The following VCF1 variants were observed in gnomAD, a reference collection of about 807,000 sequenced individuals.
VCF1 encodes VCP nuclear cofactor family member 1.
At chr17:73,207,643 CAG>C in the VCF1 span, 1 of 1,253,332 alleles carries the variant, frequency 8.0e-7, no homozygotes, top group Non-Finnish European at 1.0e-6. Context: ...TGGGAAGTAA[CAG>C]AAAATTTGTT....
At chr17:73,209,697 G>A in the VCF1 span, 57 of 1,548,076 alleles carry the variant, frequency 3.7e-5, no homozygotes, top group East Asian at 8.1e-4. Flanking sequence ...CTTCCGGCCC[G>A]CTGGCCCTGT....
At chr17:73,222,237 T>TA in the VCF1 span, among the ~76,000 whole-genome samples, 2 of 150,832 alleles carry the variant, frequency 1.3e-5, no homozygotes, top group South Asian at 4.2e-4. Flanking sequence ...TACTTCAACT[T>TA]AAAAAAATAG....
chr17:73,218,835 C>G, the VCF1 span, among the ~76,000 whole-genome samples: 1 of 151,934 alleles, frequency 6.6e-6, no homozygotes, highest in Admixed American at 6.6e-5. Context: ...CTGGCTAACA[C>G]GGTGAAACCC....
chr17:73,219,753 A>G, the VCF1 span, among the ~76,000 whole-genome samples: 77,694 of 151,520 alleles, frequency 0.51, 20,037 homozygotes, highest in East Asian at 0.6. Flanking sequence ...CAGGTGGATC[A>G]CGTGAGTCCA....
At chr17:73,226,078 T>C in the VCF1 span, among the ~76,000 whole-genome samples, 10 of 151,664 alleles carry the variant, frequency 6.6e-5, no homozygotes, top group Admixed American at 5.9e-4. Context: ...ATTTTTTGTA[T>C]TTTTAGTAGA....
chr17:73,224,892 CAGGACAGG>C, the VCF1 span, among the ~76,000 whole-genome samples: 1 of 48,174 alleles, frequency 2.1e-5, no homozygotes, highest in African/African-American at 5.8e-5. Context: ...CAGCACAGGA[CAGGACAGG>C]ACAGGACAGG....
At chr17:73,230,466 G>A in the VCF1 span, among the ~76,000 whole-genome samples, 8 of 151,532 alleles carry the variant, frequency 5.3e-5, no homozygotes, top group African/African-American at 1.2e-4. Flanking sequence ...AGTGATCTCC[G>A]CTCACTGCAA....
the VCF1 span, chr17:73,212,604 G>A: frequency 2.3e-5 from 29 of 1,266,986 alleles, no homozygotes; most frequent in East Asian, 7.1e-4. Flanking sequence ...GTATAACAAT[G>A]TAGAATGGCC....
At chr17:73,230,302 A>G in the VCF1 span, among the ~76,000 whole-genome samples, 1 of 151,964 alleles carries the variant, frequency 6.6e-6, no homozygotes, top group Non-Finnish European at 1.5e-5. Flanking sequence ...TCAATCAATC[A>G]GTCAATCAAT....
the VCF1 span, among the ~76,000 whole-genome samples, chr17:73,226,667 C>T: frequency 2.6e-5 from 4 of 152,218 alleles, no homozygotes; most frequent in Non-Finnish European, 4.4e-5. Context: ...GAACACCCAA[C>T]TCCCCTTCCC....
chr17:73,210,757 A>AATTTTTTT, the VCF1 span, among the ~76,000 whole-genome samples: 1 of 135,122 alleles, frequency 7.4e-6, no homozygotes, highest in Non-Finnish European at 1.6e-5. Flanking sequence ...ATGCCTCGTT[A>AATTTTTTT]TTTTTTTTTT....
At chr17:73,232,306 T>C in the VCF1 span, 2 of 1,576,730 alleles carry the variant, frequency 1.3e-6, no homozygotes, top group Non-Finnish European at 8.6e-7. Flanking sequence ...CGCCCCCCCA[T>C]GTCGCTGCCG....
chr17:73,225,900 T>TAA, the VCF1 span, among the ~76,000 whole-genome samples: 3 of 77,898 alleles, frequency 3.9e-5, no homozygotes, highest in African/African-American at 1.9e-4. Context: ...TATATATATA[T>TAA]TTTTTTTTTT....
chr17:73,207,649 ATT>A, the VCF1 span: 2 of 1,281,636 alleles, frequency 1.6e-6, no homozygotes, highest in African/African-American at 1.5e-5. Context: ...GTAACAGAAA[ATT>A]TGTTTCCCCA....
the VCF1 span, among the ~76,000 whole-genome samples, chr17:73,229,867 CAA>C: frequency 1.8e-4 from 4 of 22,620 alleles, no homozygotes; most frequent in Non-Finnish European, 3.3e-4. Context: ...GACTCCATCT[CAA>C]AAAAAAAAAA....
the VCF1 span, among the ~76,000 whole-genome samples, chr17:73,216,630 A>C: frequency 6.6e-6 from 1 of 152,206 alleles, no homozygotes; most frequent in Admixed American, 6.5e-5. Context: ...AAATACTAGA[A>C]AAAGCTTTCA....
At chr17:73,208,773 G>A in the VCF1 span, 15 of 399,644 alleles carry the variant, frequency 3.8e-5, 1 homozygote, top group African/African-American at 2.9e-4. Flanking sequence ...AGGACAAAAA[G>A]TCATTACATA....
the VCF1 span, among the ~76,000 whole-genome samples, chr17:73,226,466 T>C: frequency 6.6e-6 from 1 of 152,256 alleles, no homozygotes; most frequent in East Asian, 1.9e-4. Flanking sequence ...CTCTTTGTTG[T>C]TGAGGCTTTT....
At chr17:73,217,630 C>A in the VCF1 span, among the ~76,000 whole-genome samples, 1 of 150,548 alleles carries the variant, frequency 6.6e-6, no homozygotes, top group South Asian at 2.1e-4. Flanking sequence ...AGCCTGGCGA[C>A]AGAGTGAGAC....
Sources: gnomAD v4.1 joint callset for allele counts (sites outside exome capture counted in the v4.1 genomes callset) on GRCh38, gnomAD v4.1.1 for gene constraint, MANE v1.5 for transcripts, NCBI Gene and HGNC (gene_info 2026-07-23, HGNC 2026-07-21) for gene names.